The following LRRC7 variants were observed in gnomAD, a reference collection of about 807,000 sequenced individuals.
LRRC7 encodes the protein leucine-rich repeat-containing protein 7.
In LRRC7, 23 loss-of-function variants were observed where a neutral mutation model predicts 175.7. The observed-to-expected ratio is 0.13, with a 90% CI of 0.09 to 0.19. The LOEUF is 0.19. Among genes scored for constraint, LRRC7 ranks in the 10% least tolerant of loss-of-function variants. LRRC7 has a pLI of 1.00. For missense variants in LRRC7, 1,354 were observed against 1,904.7 expected, an observed-to-expected ratio of 0.71 and a Z score of 5.38; for synonymous variants, 685 against 680.9, an observed-to-expected ratio of 1.01 and a Z score of -0.09.
chr1:70,082,797 T>C (rs1423881603), intron 24 of LRRC7, among the ~76,000 whole-genome samples: 6 of 112,012 alleles, frequency 5.4e-5, no homozygotes, highest in South Asian at 3.4e-4. Flanking sequence ...TTTTTTTTTT[T>C]TTTTTTTTTT....
chr1:70,002,767 C>T (rs892537305), intron 11 of LRRC7, among the ~76,000 whole-genome samples: 1 of 151,986 alleles, frequency 6.6e-6, no homozygotes, highest in Non-Finnish European at 1.5e-5. Flanking sequence ...ATTGTTGTGG[C>T]ACTTAGAACT....
chr1:70,129,871 C>T lies in LRRC7; in HGVS notation c.*7984C>T, dbSNP rs780304965. On this transcript the variant is annotated 3_prime_UTR_variant, in exon 27 of 27. Coordinates refer to ENST00000651989, the MANE Select transcript of LRRC7 (RefSeq NM_001370785.2). ...ATTGTTTTCTTTTCTTCACCCTATGCATACTCAGTGTTTTAGACACATATA... is the reference window on the plus strand; with the variant it reads ...ATTGTTTTCTTTTCTTCACCCTATGTATACTCAGTGTTTTAGACACATATA... Among the ~76,000 whole-genome samples the T allele has an allele frequency of 5.9e-5, 9 of 152,196 alleles. No individual in the cohort carries two copies. Among genetic ancestry groups the T allele is most frequent in the Non-Finnish European group, 1.2e-4 (8 of 68,026 alleles).
At chr1:70,023,022 C>T in intron 16 of LRRC7, 104 bp from the exon 17 acceptor site, 3 of 1,311,430 alleles carry the variant, frequency 2.3e-6, no homozygotes, top group East Asian at 2.5e-5. Flanking sequence ...ATTTTAAATG[C>T]ATAACTCAGA....
At chr1:69,738,178 G>C (rs1022369311) in intron 2 of LRRC7, among the ~76,000 whole-genome samples, 1 of 152,130 alleles carries the variant, frequency 6.6e-6, no homozygotes, top group Middle Eastern at 3.4e-3. Flanking sequence ...CATGTACCGA[G>C]TTCTAATAAG....
At chr1:69,891,504 G>A (rs935437626) in intron 7 of LRRC7, among the ~76,000 whole-genome samples, 1 of 152,168 alleles carries the variant, frequency 6.6e-6, no homozygotes, top group Admixed American at 6.5e-5. Flanking sequence ...GGCCAGGGTG[G>A]GTGGATCACT....
At chr1:69,842,397 A>G (rs1366909153) in intron 7 of LRRC7, among the ~76,000 whole-genome samples, 2 of 152,174 alleles carry the variant, frequency 1.3e-5, no homozygotes, top group East Asian at 1.9e-4. Flanking sequence ...GAGTTAAAAT[A>G]TATTATGTAA....
chr1:69,641,200 G>A (rs538292204), intron 1 of LRRC7, among the ~76,000 whole-genome samples: 1 of 151,644 alleles, frequency 6.6e-6, no homozygotes, highest in South Asian at 2.1e-4. Context: ...CAATTTTGAA[G>A]ACAATGCATA....
At chr1:69,770,453 C>A (rs764788994) in intron 3 of LRRC7, among the ~76,000 whole-genome samples, 192 of 152,200 alleles carry the variant, frequency 1.3e-3, no homozygotes, top group Admixed American at 2.5e-3. Context: ...TTTAGGGTGA[C>A]AAATTTTGAA....
At position 70,129,599 on chromosome 1, in the gene LRRC7, G is replaced by C. The variant is rs1666587219; in HGVS notation, c.*7712G>C. 6.6e-6 allele frequency among the ~76,000 whole-genome samples: 1 copy of C among 152,192 alleles called. No individual in the cohort carries two copies. Among genetic ancestry groups the C allele is most frequent in the African/African-American group, 2.4e-5 (1 of 41,446 alleles). ...CCAAAAAGTCCCTCCTATGACCACTGTCAGGGAGCGTGGGAATCCATGCTG... is the reference window on the plus strand; with the variant it reads ...CCAAAAAGTCCCTCCTATGACCACTCTCAGGGAGCGTGGGAATCCATGCTG... On this transcript the variant is annotated 3_prime_UTR_variant, in exon 27 of 27. Coordinates refer to ENST00000651989, the MANE Select transcript of LRRC7 (RefSeq NM_001370785.2).
chr1:69,732,755 G>C (rs1161832074), intron 2 of LRRC7, among the ~76,000 whole-genome samples: 1 of 151,998 alleles, frequency 6.6e-6, no homozygotes, highest in Non-Finnish European at 1.5e-5. Flanking sequence ...AAATATTTTA[G>C]TTTACTTGAA....
chr1:69,980,348 C>T lies in LRRC7; in HGVS notation c.712-31C>T, dbSNP rs764432719. On this transcript the variant is annotated intron_variant, in intron 8 of 26. Transcript: ENST00000651989. ...GTAAAAACTAATTTAATTTTGTTTT[C>T]CTCTCTCCTTCCTCCCCACTTCTCT... 2.5e-5 allele frequency: 39 copies of T among 1,547,874 alleles called. 1 individual carries two copies. Among genetic ancestry groups the T allele is most frequent in the Non-Finnish European group, 3.4e-5 (38 of 1,123,988 alleles).
At chr1:69,985,735 G>A (rs2101897066) in intron 9 of LRRC7, among the ~76,000 whole-genome samples, 1 of 152,286 alleles carries the variant, frequency 6.6e-6, no homozygotes, top group Non-Finnish European at 1.5e-5. Flanking sequence ...CATACAATGT[G>A]TGGTCTTTTG....
chr1:69,962,840 G>T (rs1415973677), intron 8 of LRRC7, among the ~76,000 whole-genome samples: 5 of 152,098 alleles, frequency 3.3e-5, no homozygotes, highest in Non-Finnish European at 7.4e-5. Flanking sequence ...GAGGGTGGGA[G>T]GCGGGAGAGA....
At chr1:70,112,623 C>T (rs2102225288) in intron 26 of LRRC7, among the ~76,000 whole-genome samples, 1 of 152,214 alleles carries the variant, frequency 6.6e-6, no homozygotes, top group Middle Eastern at 3.4e-3. Context: ...AACAAAAGTA[C>T]AAGATGTAAG....
At chr1:70,116,546 C>CAAAAAAAA (rs11336931) in intron 26 of LRRC7, among the ~76,000 whole-genome samples, 2 of 104,916 alleles carry the variant, frequency 1.9e-5, no homozygotes, top group Non-Finnish European at 4.0e-5. Flanking sequence ...GACTCCATGT[C>CAAAAAAAA]AAAAAAAAAA....
At chr1:69,883,073 T>C (rs1686802371) in intron 7 of LRRC7, among the ~76,000 whole-genome samples, 1 of 152,090 alleles carries the variant, frequency 6.6e-6, no homozygotes, top group African/African-American at 2.4e-5. Flanking sequence ...ACAATAAACA[T>C]ACGTGTGCAT....
intron 1 of LRRC7, among the ~76,000 whole-genome samples, chr1:69,624,686 A>G (rs1354083883): frequency 6.6e-6 from 1 of 152,120 alleles, no homozygotes; most frequent in African/African-American, 2.4e-5. Context: ...ATATGTCATG[A>G]TGTGGATGTC....
intron 7 of LRRC7, among the ~76,000 whole-genome samples, chr1:69,869,837 T>C (rs556538639): frequency 1.1e-4 from 17 of 152,138 alleles, no homozygotes; most frequent in Non-Finnish European, 2.5e-4. Context: ...TTTTGGACAT[T>C]TATACCTAAT....
chr1:69,943,062 C>T (rs1041483858), intron 8 of LRRC7, among the ~76,000 whole-genome samples: 1 of 151,952 alleles, frequency 6.6e-6, no homozygotes, highest in Non-Finnish European at 1.5e-5. Context: ...TCCAATGTGG[C>T]CCAGGGAAGC....
Sources: gnomAD v4.1 joint callset for allele counts (sites outside exome capture counted in the v4.1 genomes callset) on GRCh38, gnomAD v4.1.1 for gene constraint, MANE v1.5 for transcripts, NCBI Gene and HGNC (gene_info 2026-07-23, HGNC 2026-07-21) for gene names.